RBPJ: variants seen among roughly 807,000 people sequenced by gnomAD.
RBPJ encodes recombining binding protein suppressor of hairless.
RBPJ carries 9 observed loss-of-function variants against 67.8 expected under a neutral mutation model. The ratio of observed to expected loss-of-function variants is 0.13; its 90% confidence interval spans 0.08 to 0.23. The LOEUF (loss-of-function observed/expected upper bound fraction) is 0.23, where lower values mean the gene tolerates loss of function less well. Ranked by LOEUF, RBPJ falls within the 10% of genes least tolerant of loss-of-function variation. The probability of loss-of-function intolerance (pLI) is 1.00; values close to 1 mark genes in which losing one functional copy is unlikely to be tolerated. For missense variants in RBPJ, 305 were observed against 595.6 expected (o/e 0.51, Z 5.08); for synonymous variants, 198 against 203.3 (o/e 0.97, Z 0.22).
chr4:26,292,875 T>C (rs1030747376), intron 1 of RBPJ, among the ~76,000 whole-genome samples: 1 of 150,626 alleles, frequency 6.6e-6, no homozygotes, highest in South Asian at 2.1e-4. Context: ...CAGTGGACAC[T>C]TAGGTTGTTT....
At chr4:26,173,361 C>G (rs920472626) in intron 1 of RBPJ, among the ~76,000 whole-genome samples, 2 of 152,132 alleles carry the variant, frequency 1.3e-5, no homozygotes, top group Admixed American at 1.3e-4. Flanking sequence ...GTCTCGAACT[C>G]CTGACCTCAA....
intron 1 of RBPJ, chr4:26,272,515 G>A (rs1411493371): frequency 3.0e-6 from 1 of 337,512 alleles, no homozygotes; most frequent in Non-Finnish European, 5.8e-6. Flanking sequence ...AGGCTGCAAT[G>A]AGCTGTGATC....
the RBPJ span, among the ~76,000 whole-genome samples, chr4:26,125,903 G>A: frequency 1.1e-4 from 16 of 152,234 alleles, no homozygotes; most frequent in African/African-American, 3.4e-4. Flanking sequence ...TGCAGCTGGA[G>A]AGGCAGCATA....
chr4:26,430,583 C>G lies in RBPJ; in HGVS notation c.1148+61C>G, dbSNP rs1404884842. ...GTGAGGGGTGTGGGTACAGGAGATTCTTTCCTGGCACTGATTGTAATGTAT... is the reference window on the plus strand; with the variant it reads ...GTGAGGGGTGTGGGTACAGGAGATTGTTTCCTGGCACTGATTGTAATGTAT... On this transcript the variant is annotated intron_variant, in intron 10 of 10. Transcript: ENST00000355476. The surrounding 1 kb of genome is among the most constrained non-coding windows in gnomAD (Gnocchi z 4.1). 2 of 1,513,884 alleles carry G rather than the reference C, an allele frequency of 1.3e-6. No homozygotes were observed. 93.8% of individuals were successfully genotyped at this position (1,513,884 alleles called of 1,614,324 possible).
chr4:26,251,052 G>A (rs1352247514), intron 1 of RBPJ, among the ~76,000 whole-genome samples: 4 of 152,198 alleles, frequency 2.6e-5, no homozygotes, highest in Admixed American at 1.3e-4. Context: ...GTAAAATTGT[G>A]TGCTTTCATT....
At chr4:26,316,800 C>G (rs1722662358), upstream of RBPJ, among the ~76,000 whole-genome samples, 1 of 140,866 alleles carries the variant, frequency 7.1e-6, no homozygotes, top group South Asian at 2.2e-4. Flanking sequence ...TTAAGTGCAG[C>G]CTCATCTACT....
upstream of RBPJ, among the ~76,000 whole-genome samples, chr4:26,317,850 A>T (rs185354892): frequency 1.3e-4 from 20 of 152,044 alleles, no homozygotes; most frequent in Non-Finnish European, 2.4e-4. Flanking sequence ...TAGGGCAAAA[A>T]GGGGGAGCTG....
intron 1 of RBPJ, among the ~76,000 whole-genome samples, chr4:26,218,947 C>T (rs1381873004): frequency 6.6e-6 from 1 of 152,170 alleles, no homozygotes; most frequent in African/African-American, 2.4e-5. Context: ...AGACACAGAC[C>T]TAGGGTGGAG....
intron 1 of RBPJ, among the ~76,000 whole-genome samples, chr4:26,219,140 G>T (rs1404811184): frequency 6.6e-6 from 1 of 152,212 alleles, no homozygotes; most frequent in African/African-American, 2.4e-5. Context: ...ATAAGGGCAG[G>T]ATTGTTTTAT....
At chr4:26,170,312 G>A (rs376460848) in intron 1 of RBPJ, among the ~76,000 whole-genome samples, 21 of 152,220 alleles carry the variant, frequency 1.4e-4, no homozygotes, top group South Asian at 4.1e-4. Context: ...AGGCCGAGGC[G>A]GGTGGATTGC....
intron 1 of RBPJ, chr4:26,384,632 T>C (rs1162994645): frequency 6.6e-6 from 1 of 152,214 alleles, no homozygotes; most frequent in African/African-American, 2.4e-5. Context: ...AACCACAGTT[T>C]ATTCTCCATA....
intron 1 of RBPJ, among the ~76,000 whole-genome samples, chr4:26,244,251 AC>A (rs1719773803): frequency 9.5e-4 from 1 of 1,048 alleles, no homozygotes; most frequent in African/African-American, 2.2e-3. Flanking sequence ...ATATGTGTAC[AC>A]ATACACATAT....
chr4:26,350,818 A>G (rs1726719452), intron 1 of RBPJ, among the ~76,000 whole-genome samples: 1 of 152,168 alleles, frequency 6.6e-6, no homozygotes, highest in African/African-American at 2.4e-5. Context: ...TAATATGGGA[A>G]ACAAGTTTTA....
In RBPJ at chr4:26,231,659, G is replaced by A. The variant is rs535953929; in HGVS notation, c.-167+68045G>A. 5.7e-4 allele frequency among the ~76,000 whole-genome samples: 86 copies of A among 151,778 alleles called. 2 individuals are homozygous for A. Among genetic ancestry groups the A allele is most frequent in the African/African-American group, 2.0e-3 (84 of 41,436 alleles). On this transcript the variant is annotated intron_variant, in intron 1 of 4. Coordinates refer to the RBPJ transcript ENST00000512351. ...ATGCCTGACCTCAAGTGATCTGCCC[G>A]TTTCGGCCTCCCAAAGTGTTGGGAT...
At chr4:26,238,198 A>G (rs1719514596) in intron 1 of RBPJ, among the ~76,000 whole-genome samples, 1 of 152,056 alleles carries the variant, frequency 6.6e-6, no homozygotes, top group Non-Finnish European at 1.5e-5. Flanking sequence ...AGTAGCTGGG[A>G]CCACAGGCGC....
intron 8 of RBPJ, among the ~76,000 whole-genome samples, 181 bp downstream of exon 8, chr4:26,429,041 C>G (rs1163571405): frequency 3.9e-5 from 6 of 152,174 alleles, no homozygotes; most frequent in African/African-American, 1.4e-4. Context: ...GCAATCCTTC[C>G]TCAAGGAAGA....
At chr4:26,207,461 G>A (rs1004752903) in intron 1 of RBPJ, among the ~76,000 whole-genome samples, 1 of 152,160 alleles carries the variant, frequency 6.6e-6, no homozygotes, top group African/African-American at 2.4e-5. Flanking sequence ...GCTGATGGAT[G>A]GATCGATTGT....
At chr4:26,116,212 A>G in the RBPJ span, among the ~76,000 whole-genome samples, 1 of 152,224 alleles carries the variant, frequency 6.6e-6, no homozygotes, top group African/African-American at 2.4e-5. Flanking sequence ...ACTCATGTGG[A>G]GGCATCGCAG....
intron 5 of RBPJ, among the ~76,000 whole-genome samples, chr4:26,421,235 C>G (rs2109806965): frequency 6.6e-6 from 1 of 152,268 alleles, no homozygotes; most frequent in African/African-American, 2.4e-5. Flanking sequence ...GACTACCAAA[C>G]AAGTATGTTT....
Sources: gnomAD v4.1 joint callset for allele counts (sites outside exome capture counted in the v4.1 genomes callset) on GRCh38, gnomAD v4.1.1 for gene constraint, Gnocchi (gnomAD v3.1) non-coding constraint, MANE v1.5 for transcripts, NCBI Gene and HGNC (gene_info 2026-07-23, HGNC 2026-07-21) for gene names.